The following COL25A1 variants were observed in gnomAD, a reference collection of about 807,000 sequenced individuals.
COL25A1 encodes collagen type XXV alpha 1 chain.
Under a neutral mutation model 128.4 loss-of-function variants are expected in COL25A1, and 103 were observed. That is an observed-to-expected ratio of 0.80 (90% CI 0.68 to 0.94). The LOEUF is 0.94. Ranked by LOEUF, COL25A1 falls within the 40% of genes least tolerant of loss-of-function variation. COL25A1 has a pLI of 0.00. For missense variants in COL25A1, 745 were observed against 840.0 expected, an observed-to-expected ratio of 0.89 and a Z score of 1.40; for synonymous variants, 279 against 277.2, an observed-to-expected ratio of 1.01 and a Z score of -0.06.
At chr4:109,189,327 C>T (rs2126158703) in intron 3 of COL25A1, among the ~76,000 whole-genome samples, 1 of 152,068 alleles carries the variant, frequency 6.6e-6, no homozygotes, top group East Asian at 1.9e-4. Context: ...ACAGGTTGAT[C>T]ACTTGAGGTC....
chr4:109,101,050 G>A (rs1765845466), intron 3 of COL25A1, among the ~76,000 whole-genome samples: 1 of 152,072 alleles, frequency 6.6e-6, no homozygotes, highest in African/African-American at 2.4e-5. Flanking sequence ...TACTTCAAAG[G>A]GGCCTTAGAT....
At chr4:108,825,286 T>C in intron 33 of COL25A1, 64 bp from the exon 34 acceptor site, 2 of 1,317,824 alleles carry the variant, frequency 1.5e-6, no homozygotes, top group East Asian at 2.3e-5. Flanking sequence ...TATTGCTTTA[T>C]TTAAGGCTGT....
chr4:108,859,225 G>A (rs1478146591), intron 24 of COL25A1, among the ~76,000 whole-genome samples: 2 of 152,126 alleles, frequency 1.3e-5, no homozygotes, highest in African/African-American at 4.8e-5. Context: ...TTCTGTAGAT[G>A]GGAAAACTGA....
At chr4:108,931,286 G>A (rs533187044) in intron 11 of COL25A1, among the ~76,000 whole-genome samples, 27 of 152,270 alleles carry the variant, frequency 1.8e-4, no homozygotes, top group Non-Finnish European at 3.1e-4. Context: ...AAATCATGCC[G>A]TTTAGTTTCA....
At chr4:108,901,253 C>A in intron 13 of COL25A1, 81 bp from the exon 14 acceptor site, 1 of 953,922 alleles carries the variant, frequency 1.0e-6, no homozygotes, top group Non-Finnish European at 1.7e-6. Context: ...AGACAGCCAT[C>A]TAATAATTCT....
rs149365988 is a variant in COL25A1, at chr4:109,163,606, C to T, written c.368-113427G>A. Among the ~76,000 whole-genome samples the T allele has an allele frequency of 4.6e-5, 7 of 152,312 alleles. No homozygotes were observed. The East Asian group carries it at 1.4e-3, about 29-fold the overall frequency. On this transcript the variant is annotated intron_variant, in intron 3 of 37. Coordinates refer to ENST00000399132, the MANE Select transcript of COL25A1 (RefSeq NM_198721.4). ...GCATGGCAGATTTTGGAAGCCTAAACAGCATGAATGGCTAAAGGTGTTTTC... is the reference window on the plus strand; with the variant it reads ...GCATGGCAGATTTTGGAAGCCTAAATAGCATGAATGGCTAAAGGTGTTTTC...
At chr4:108,872,083 C>CT (rs952204262) in intron 19 of COL25A1, among the ~76,000 whole-genome samples, 3 of 152,108 alleles carry the variant, frequency 2.0e-5, no homozygotes, top group African/African-American at 7.2e-5. Context: ...CATTATTTGC[C>CT]TTTTTACTTT....
At chr4:109,270,959 A>T (rs942155990) in intron 3 of COL25A1, among the ~76,000 whole-genome samples, 6 of 152,130 alleles carry the variant, frequency 3.9e-5, no homozygotes, top group African/African-American at 1.4e-4. Flanking sequence ...CTTAACAGAT[A>T]TTAGCCTTTC....
chr4:109,302,351 C>A lies in COL25A1; in HGVS notation c.-239G>T. 3.5e-6 allele frequency: 1 copy of A among 282,312 alleles called. No homozygotes were observed. The highest frequency in any genetic ancestry group is 6.6e-6 in the Non-Finnish European group (1 of 152,044). 17.5% of individuals were successfully genotyped at this position (282,312 alleles called of 1,614,324 possible). A position where few individuals can be genotyped will look rare whatever the true frequency, so the allele number is the denominator to read the frequency against. The stretch of plus-strand genomic sequence containing the variant: ...GAGGACCGACACCTCTTTCGAGGGC[C>A]CCAACAGTGGCCGCTCAGGGTCCGA... On this transcript the variant is annotated 5_prime_UTR_variant, in exon 1 of 38. Transcript: ENST00000399132.
intron 5 of COL25A1, among the ~76,000 whole-genome samples, chr4:109,033,450 G>A (rs778307727): frequency 6.6e-6 from 1 of 152,212 alleles, no homozygotes; most frequent in Admixed American, 6.5e-5. Context: ...GTCATGTTGC[G>A]ATAGCAGGAA....
chr4:109,020,635 T>C (rs2125899772), intron 5 of COL25A1, among the ~76,000 whole-genome samples: 1 of 152,294 alleles, frequency 6.6e-6, no homozygotes, highest in South Asian at 2.1e-4. Context: ...TGACAAGTTG[T>C]CACATTAATT....
chr4:109,297,449 A>G (rs745587800), intron 3 of COL25A1, among the ~76,000 whole-genome samples: 9 of 152,238 alleles, frequency 5.9e-5, no homozygotes, highest in Admixed American at 3.3e-4. Flanking sequence ...CACTTCAATC[A>G]TGGTTTACCT....
At chr4:109,240,191 GTTGT>G (rs200928882) in intron 3 of COL25A1, among the ~76,000 whole-genome samples, 2,571 of 152,066 alleles carry the variant, frequency 0.017, 73 homozygotes, top group African/African-American at 0.058. Flanking sequence ...CAGTAACATA[GTTGT>G]TTATTATCAT....
At chr4:109,286,879 A>AG (rs1252227189) in intron 3 of COL25A1, among the ~76,000 whole-genome samples, 1 of 152,218 alleles carries the variant, frequency 6.6e-6, no homozygotes, top group Admixed American at 6.5e-5. Context: ...ATGACCACAG[A>AG]GTCTGATCCA....
chr4:109,130,396 G>A (rs894269734), intron 3 of COL25A1, among the ~76,000 whole-genome samples: 6 of 151,970 alleles, frequency 3.9e-5, no homozygotes, highest in Non-Finnish European at 8.8e-5. Context: ...ATAGAAGGTA[G>A]CACATAAATA....
rs70949066 is a variant in COL25A1 at position 109,081,698 on chromosome 4, G to GT, written c.368-31520dup. Among the ~76,000 whole-genome samples, 558 of 151,620 alleles carry GT rather than the reference G, an allele frequency of 3.7e-3. 2 individuals carry two copies. Among genetic ancestry groups the GT allele is most frequent in the Non-Finnish European group, 6.8e-3 (462 of 67,876 alleles). On this transcript the variant is annotated intron_variant, in intron 3 of 37. Coordinates refer to ENST00000399132, the MANE Select transcript of COL25A1 (RefSeq NM_198721.4). ...CCATGGGCAATCACTAATCTATTTT[G>GT]TTTTTTCTTTTATTTTTTTTTTTGA...
intron 6 of COL25A1, among the ~76,000 whole-genome samples, chr4:109,009,903 T>G (rs749335720): frequency 2.0e-5 from 3 of 152,342 alleles, no homozygotes; most frequent in Non-Finnish European, 4.4e-5. Flanking sequence ...AATCATGTCT[T>G]CGGCAGTTGT....
At chr4:108,940,475 C>G in intron 10 of COL25A1, 64 bp downstream of exon 10, 1 of 1,371,032 alleles carries the variant, frequency 7.3e-7, no homozygotes, top group Non-Finnish European at 1.0e-6. Flanking sequence ...CTACTCCACC[C>G]TAGTTCTCAG....
At chr4:109,257,391 A>G (rs1397257322) in intron 3 of COL25A1, among the ~76,000 whole-genome samples, 2 of 152,234 alleles carry the variant, frequency 1.3e-5, no homozygotes, top group Admixed American at 6.5e-5. Context: ...CTATTCATCT[A>G]TGAAAGATGA....
Sources: gnomAD v4.1 joint callset for allele counts (sites outside exome capture counted in the v4.1 genomes callset) on GRCh38, gnomAD v4.1.1 for gene constraint, MANE v1.5 for transcripts, NCBI Gene and HGNC (gene_info 2026-07-23, HGNC 2026-07-21) for gene names.